Variants in ADAMTS2 observed in about 807,000 individuals in gnomAD.
ADAMTS2 encodes A disintegrin and metalloproteinase with thrombospondin motifs 2.
ADAMTS2 carries 50 observed loss-of-function variants against 123.0 expected under a neutral mutation model. The observed-to-expected ratio is 0.41, with a 90% confidence interval of 0.32 to 0.51. The LOEUF (loss-of-function observed/expected upper bound fraction) is 0.51, where lower values mean the gene tolerates loss of function less well. Among genes scored for constraint, ADAMTS2 ranks in the 20% least tolerant of loss-of-function variants. ADAMTS2 has a pLI of 0.35. For missense variants in ADAMTS2, 1,494 were observed against 1,705.2 expected (o/e 0.88, Z 2.18); for synonymous variants, 678 against 695.4 (o/e 0.98, Z 0.39).
Position 179,113,411 on chromosome 5 carries a change from C to A in ADAMTS2, c.*456G>T, listed in dbSNP as rs532246421. 7 of 231,984 alleles carry A rather than the reference C, an allele frequency of 3.0e-5. No homozygotes were observed. In the South Asian group the frequency reaches 4.5e-4, roughly 15 times the overall value. The allele number at this position is 231,984 out of a possible 1,614,324, so 14.4% of individuals were successfully genotyped here. A position where few individuals can be genotyped will look rare whatever the true frequency, so the allele number is the denominator to read the frequency against. ...TTCATCACCTCCACTTCATTGTACTCATCTCGGCAACGGGTCAGTTATTCA... is the reference window on the plus strand; with the variant it reads ...TTCATCACCTCCACTTCATTGTACTAATCTCGGCAACGGGTCAGTTATTCA... On this transcript the variant is annotated 3_prime_UTR_variant, in exon 22 of 22. Transcript: ENST00000251582.
chr5:179,188,493 T>A lies in ADAMTS2; in HGVS notation c.892-7338A>T, dbSNP rs1764224793. On this transcript the variant is annotated intron_variant, in intron 4 of 21. Coordinates refer to ENST00000251582, the MANE Select transcript of ADAMTS2 (RefSeq NM_014244.5). The surrounding 1 kb of genome is among the most constrained non-coding windows in gnomAD (Gnocchi z 5.1). ...GGGCTGCCAGAGCCTGGGCTTATCATGAGAATCAACGTTCCCATTGCAGAT... is the reference window on the plus strand; with the variant it reads ...GGGCTGCCAGAGCCTGGGCTTATCAAGAGAATCAACGTTCCCATTGCAGAT... Among the ~76,000 whole-genome samples, 1 of 152,298 alleles carries A rather than the reference T, an allele frequency of 6.6e-6. No homozygotes were observed. The highest frequency in any genetic ancestry group is 2.1e-4 in the South Asian group (1 of 4,826).
At chr5:179,294,377 T>C (rs1756273677) in intron 2 of ADAMTS2, among the ~76,000 whole-genome samples, 1 of 152,226 alleles carries the variant, frequency 6.6e-6, no homozygotes, top group East Asian at 1.9e-4. Flanking sequence ...ATGCCCTTCC[T>C]TTGGTGACTC....
Position 179,225,666 on chromosome 5 carries a change from G to A in ADAMTS2, c.689-17951C>T, listed in dbSNP as rs1282120303. On this transcript the variant is annotated intron_variant, in intron 3 of 21. Coordinates refer to ENST00000251582, the MANE Select transcript of ADAMTS2 (RefSeq NM_014244.5). The surrounding 1 kb of genome is among the most constrained non-coding windows in gnomAD (Gnocchi z 4.5). The stretch of plus-strand genomic sequence containing the variant: ...CCGACCGGCAGAAGCAGAACGACAC[G>A]GAGTTTGGCCGGGGCAGTCAGAGGA... 2.0e-5 allele frequency among the ~76,000 whole-genome samples: 3 copies of A among 152,202 alleles called. No homozygotes were observed. Among genetic ancestry groups the A allele is most frequent in the Non-Finnish European group, 4.4e-5 (3 of 68,042 alleles).
At chr5:179,329,089 A>T (rs1175086024) in intron 2 of ADAMTS2, among the ~76,000 whole-genome samples, 2 of 152,208 alleles carry the variant, frequency 1.3e-5, no homozygotes, top group Admixed American at 6.5e-5. Flanking sequence ...GCACTTTGGG[A>T]GGCCAAGGAG....
intron 2 of ADAMTS2, among the ~76,000 whole-genome samples, chr5:179,287,359 G>A (rs1756049608): frequency 6.6e-6 from 1 of 152,230 alleles, no homozygotes; most frequent in African/African-American, 2.4e-5. Flanking sequence ...AGGGAGACAA[G>A]AATGCTGCAC....
intron 3 of ADAMTS2, among the ~76,000 whole-genome samples, chr5:179,268,007 G>A (rs1022455744): frequency 2.6e-5 from 4 of 152,344 alleles, no homozygotes; most frequent in South Asian, 2.1e-4. Context: ...TGAGCTCAGC[G>A]CCGTGGCTGG....
rs1561771658 is a variant in ADAMTS2, at chr5:179,134,776, TCCC to T, written c.2085+1130_2085+1132del. On this transcript the variant is annotated intron_variant, in intron 13 of 21. Coordinates refer to ENST00000251582, the MANE Select transcript of ADAMTS2 (RefSeq NM_014244.5). ...GCTCCAGCTCCAGCTCCCGGCTCCA[TCCC>T]CCAGCTCCCGGCTCCAGCCCCCAGC... Among the ~76,000 whole-genome samples, 120 of 29,550 alleles carry T rather than the reference TCCC, an allele frequency of 4.1e-3. 2 individuals carry two copies. Among genetic ancestry groups the T allele is most frequent in the Admixed American group, 5.0e-3 (12 of 2,420 alleles). The allele number at this position is 29,550 out of a possible 152,430, so 19.4% of individuals were successfully genotyped here.
In ADAMTS2 at chr5:179,110,942, G is replaced by C. The variant is rs1414878435; in HGVS notation, c.*2925C>G. On this transcript the variant is annotated 3_prime_UTR_variant, in exon 22 of 22. Transcript: ENST00000251582. ...ATTACAGAACAAAGATGTATTGGTT[G>C]TTGTATCGGTAAGCCAGAATTTTGT... is the stretch of plus-strand genomic sequence containing the variant. 1 of 152,202 alleles carries C rather than the reference G, an allele frequency of 6.6e-6. No individual in the cohort carries two copies. Among genetic ancestry groups the C allele is most frequent in the Non-Finnish European group, 1.5e-5 (1 of 68,032 alleles). 9.4% of individuals were successfully genotyped at this position (152,202 alleles called of 1,614,324 possible).
In ADAMTS2 at chr5:179,234,068, G is replaced by A. The variant is rs925802258; in HGVS notation, c.689-26353C>T. Among the ~76,000 whole-genome samples the A allele has an allele frequency of 1.3e-5, 2 of 152,108 alleles. No homozygotes were observed. The highest frequency in any genetic ancestry group is 2.9e-5 in the Non-Finnish European group (2 of 67,994). On this transcript the variant is annotated intron_variant, in intron 3 of 21. Coordinates refer to ENST00000251582, the MANE Select transcript of ADAMTS2 (RefSeq NM_014244.5). The surrounding 1 kb of genome is among the most constrained non-coding windows in gnomAD (Gnocchi z 4.7). ...CGACTGCCAGGCCCTTCCACAGCCC[G>A]ACTCCCCGTGGACTCTGCAGGTTTC...
rs891661885 is a variant in ADAMTS2 at position 179,228,538 on chromosome 5, G to A, written c.689-20823C>T. On this transcript the variant is annotated intron_variant, in intron 3 of 21. Coordinates refer to ENST00000251582, the MANE Select transcript of ADAMTS2 (RefSeq NM_014244.5). This position sits in a 1 kb window ranked among gnomAD's most constrained non-coding sequence, Gnocchi z 5.2. The stretch of plus-strand genomic sequence containing the variant: ...TGGGTGTGAAGCGGAAGGAGACTCT[G>A]CAGCAAGGCCCAGCTCTTATGCCGG... 1.2e-4 allele frequency among the ~76,000 whole-genome samples: 19 copies of A among 152,252 alleles called. No homozygotes were observed. The highest frequency in any genetic ancestry group is 2.0e-4 in the Admixed American group (3 of 15,294).
At position 179,166,583 on chromosome 5, in the gene ADAMTS2, C is replaced by G. The variant is rs140623120; in HGVS notation, c.976-7704G>C. Among the ~76,000 whole-genome samples the G allele has an allele frequency of 9.6e-3, 1,435 of 149,588 alleles. 35 individuals are homozygous for G. Among genetic ancestry groups the G allele is most frequent in the African/African-American group, 0.035 (1,373 of 39,676 alleles). On this transcript the variant is annotated intron_variant, in intron 5 of 21. Coordinates refer to ENST00000251582, the MANE Select transcript of ADAMTS2 (RefSeq NM_014244.5). ...GGAACAGCCAGGAGCTTAGGGGGCC[C>G]GTGGGCCTTGGGTGGACGAGTAGGC...
At chr5:179,156,876 G>A (rs1161247653) in intron 6 of ADAMTS2, among the ~76,000 whole-genome samples, 3 of 149,748 alleles carry the variant, frequency 2.0e-5, no homozygotes, top group Admixed American at 6.6e-5. Context: ...TTACATCTTG[G>A]TCCATCTTTT....
chr5:179,337,387 G>A (rs566266157), intron 2 of ADAMTS2, among the ~76,000 whole-genome samples: 4 of 152,122 alleles, frequency 2.6e-5, no homozygotes, highest in South Asian at 2.1e-4. Context: ...GTGCACACAC[G>A]TGTACACACT....
intron 15 of ADAMTS2, among the ~76,000 whole-genome samples, chr5:179,131,306 C>CAAAAAAAAAAAAAAAAA (rs553125844): frequency 1.3e-4 from 3 of 22,668 alleles, no homozygotes; most frequent in Non-Finnish European, 3.3e-4. Context: ...GAGCGAGACT[C>CAAAAAAAAAAAAAAAAA]AAAAAAAAAA....
chr5:179,249,446 C>T (rs1268405190), intron 3 of ADAMTS2, among the ~76,000 whole-genome samples: 1 of 151,992 alleles, frequency 6.6e-6, no homozygotes, highest in African/African-American at 2.4e-5. Context: ...AATAAGAAGA[C>T]TCAATGAAAC....
chr5:179,127,594 G>A (rs959300657), intron 17 of ADAMTS2, among the ~76,000 whole-genome samples: 1 of 152,042 alleles, frequency 6.6e-6, no homozygotes, highest in African/African-American at 2.4e-5. Flanking sequence ...GCCTCTGGAG[G>A]TGTCATCTGC....
Position 179,312,948 on chromosome 5 carries a change from T to C in ADAMTS2, c.534+30819A>G, listed in dbSNP as rs1016909503. Among the ~76,000 whole-genome samples, 1 of 152,158 alleles carries C rather than the reference T, an allele frequency of 6.6e-6. No individual in the cohort carries two copies. Among genetic ancestry groups the C allele is most frequent in the Non-Finnish European group, 1.5e-5 (1 of 68,030 alleles). On this transcript the variant is annotated intron_variant, in intron 2 of 21. Coordinates refer to ENST00000251582, the MANE Select transcript of ADAMTS2 (RefSeq NM_014244.5). This position sits in a 1 kb window ranked among gnomAD's most constrained non-coding sequence, Gnocchi z 4.2. ...AAACCAATACAATGGGGAACTCTGA[T>C]ATGGACTAAAAGTGGTGAGAGAATT...
At chr5:179,238,454 G>A (rs1396340208) in intron 3 of ADAMTS2, among the ~76,000 whole-genome samples, 2 of 152,154 alleles carry the variant, frequency 1.3e-5, no homozygotes, top group Non-Finnish European at 1.5e-5. Context: ...CTGCGGGAAG[G>A]GGCTGGAGGG....
chr5:179,185,515 CT>C lies in ADAMTS2; in HGVS notation c.892-4361del, dbSNP rs1764153634. ...TCTTCCCACTCTCCTAGCCCTACCCCTGGGGCCGAAGGTGGCAGCTCTCATC... is the reference window on the plus strand; with the variant it reads ...TCTTCCCACTCTCCTAGCCCTACCCCGGGGCCGAAGGTGGCAGCTCTCATC... On this transcript the variant is annotated intron_variant, in intron 4 of 21. Coordinates refer to ENST00000251582, the MANE Select transcript of ADAMTS2 (RefSeq NM_014244.5). The surrounding 1 kb of genome is among the most constrained non-coding windows in gnomAD (Gnocchi z 5.9). Among the ~76,000 whole-genome samples, 2 of 152,140 alleles carry C rather than the reference CT, an allele frequency of 1.3e-5. No individual in the cohort carries two copies. The highest frequency in any genetic ancestry group is 4.8e-5 in the African/African-American group (2 of 41,438).
Sources: gnomAD v4.1 joint callset for allele counts (sites outside exome capture counted in the v4.1 genomes callset) on GRCh38, gnomAD v4.1.1 for gene constraint, Gnocchi (gnomAD v3.1) non-coding constraint, MANE v1.5 for transcripts, NCBI Gene and HGNC (gene_info 2026-07-23, HGNC 2026-07-21) for gene names.